Variants in ITPR2 observed in about 807,000 individuals in gnomAD.
ITPR2 encodes the protein inositol 1,4,5-trisphosphate-gated calcium channel ITPR2.
In ITPR2, 207 loss-of-function variants were observed where a neutral mutation model predicts 317.1. The ratio of observed to expected loss-of-function variants is 0.65; its 90% CI spans 0.58 to 0.73. ITPR2 has a LOEUF of 0.73. Among genes scored for constraint, ITPR2 ranks in the 30% least tolerant of loss-of-function variants. ITPR2 has a pLI of 0.00. For synonymous variants in ITPR2, 1,156 were observed against 1,149.1 expected (o/e 1.01, Z -0.12); for missense variants, 2,613 against 3,284.0 (o/e 0.80, Z 4.99).
Position 26,337,290 on chromosome 12 carries a change from G to A in ITPR2, c.*2107C>T, listed in dbSNP as rs1013517533. 6.6e-5 allele frequency: 10 copies of A among 152,132 alleles called. No homozygotes were observed. Among genetic ancestry groups the A allele is most frequent in the African/African-American group, 2.2e-4 (9 of 41,426 alleles). 9.4% of individuals were successfully genotyped at this position (152,132 alleles called of 1,614,324 possible). ...CATCTGAAAGACAGGTTGCTCAGAT[G>A]TATACAAATGAATTTATTCTCTTGA... On this transcript the variant is annotated 3_prime_UTR_variant, in exon 57 of 57. Coordinates refer to ENST00000381340, the MANE Select transcript of ITPR2 (RefSeq NM_002223.4).
chr12:26,396,522 T>C (rs1232619761), intron 54 of ITPR2, among the ~76,000 whole-genome samples: 1 of 152,172 alleles, frequency 6.6e-6, no homozygotes, highest in Non-Finnish European at 1.5e-5. Flanking sequence ...CATTCTGACT[T>C]GGTACTCTGA....
intron 54 of ITPR2, among the ~76,000 whole-genome samples, chr12:26,389,540 G>A (rs1485920595): frequency 6.6e-6 from 1 of 150,854 alleles, no homozygotes; most frequent in Admixed American, 6.6e-5. Context: ...CCTTTGGAAC[G>A]GTTGTTTCCT....
intron 9 of ITPR2, among the ~76,000 whole-genome samples, chr12:26,700,229 G>A (rs1948420388): frequency 6.6e-6 from 1 of 152,134 alleles, no homozygotes; most frequent in Admixed American, 6.6e-5. Flanking sequence ...AATTATTCAT[G>A]GAGAAGGTAG....
chr12:26,411,077 C>T, intron 52 of ITPR2: 3 of 431,942 alleles, frequency 6.9e-6, no homozygotes, highest in Non-Finnish European at 1.3e-5. Flanking sequence ...GCAGCACATA[C>T]CACAGGGTAA....
chr12:26,735,495 GA>G (rs1345921137), intron 2 of ITPR2, among the ~76,000 whole-genome samples: 2 of 152,130 alleles, frequency 1.3e-5, no homozygotes, highest in Admixed American at 6.5e-5. Context: ...AGGAGAGGGA[GA>G]GGGGGAAGGG....
chr12:26,529,406 T>C (rs1565583157), intron 37 of ITPR2, among the ~76,000 whole-genome samples: 1 of 152,202 alleles, frequency 6.6e-6, no homozygotes, highest in East Asian at 1.9e-4. Context: ...ATGCAGATCT[T>C]TGGGTGTGTG....
chr12:26,412,585 G>A (rs1940584248), intron 51 of ITPR2, among the ~76,000 whole-genome samples: 1 of 152,140 alleles, frequency 6.6e-6, no homozygotes, highest in South Asian at 2.1e-4. Context: ...GAGAGATATA[G>A]ACACAATTAT....
intron 5 of ITPR2, among the ~76,000 whole-genome samples, chr12:26,716,692 A>C (rs1452188520): frequency 6.6e-6 from 1 of 152,204 alleles, no homozygotes; most frequent in Non-Finnish European, 1.5e-5. Context: ...AGAGATGAGT[A>C]AATTTGATCT....
intron 37 of ITPR2, among the ~76,000 whole-genome samples, chr12:26,541,664 CAAT>C (rs1031252493): frequency 1.3e-5 from 2 of 152,190 alleles, no homozygotes; most frequent in Non-Finnish European, 1.5e-5. Context: ...CAGATTGATA[CAAT>C]AAGAGGAGCT....
chr12:26,416,404 G>C (rs1940721591), intron 50 of ITPR2, among the ~76,000 whole-genome samples: 1 of 152,168 alleles, frequency 6.6e-6, no homozygotes. Context: ...GTTTGGAAAT[G>C]AATAGTATTT....
At chr12:26,619,444 C>G (rs537185340) in intron 26 of ITPR2, among the ~76,000 whole-genome samples, 1 of 152,248 alleles carries the variant, frequency 6.6e-6, no homozygotes, top group African/African-American at 2.4e-5. Flanking sequence ...TGGGCGACAT[C>G]TTTTACTTAA....
intron 21 of ITPR2, among the ~76,000 whole-genome samples, chr12:26,637,060 T>C (rs1298348522): frequency 2.0e-5 from 3 of 152,222 alleles, no homozygotes; most frequent in African/African-American, 7.2e-5. Context: ...ATAAATTTGC[T>C]CACATTATTC....
At chr12:26,417,475 G>A (rs1215114789) in intron 50 of ITPR2, among the ~76,000 whole-genome samples, 1 of 152,100 alleles carries the variant, frequency 6.6e-6, no homozygotes, top group Non-Finnish European at 1.5e-5. Flanking sequence ...CATGGGGGTG[G>A]TTTCCCTCAT....
At position 26,682,660 on chromosome 12, in the gene ITPR2, G is replaced by T. The variant is rs1250780652; in HGVS notation, c.1162C>A (p.Arg388=). ...GTGTTGGTGCATAAATGCCTTAACC[G>T]AACATATGAGTTCCTAAAAGCAAAA... ...DCLVPRNSYV[R]LRHLCTNTWV... is the part of the protein sequence containing the mutation. The change falls in exon 12 of 57, where the codon CGG becomes AGG. Residue 388 remains arginine, a synonymous_variant. Transcript: ENST00000381340. The T allele has an allele frequency of 1.2e-6, 2 of 1,609,038 alleles. No individual in the cohort carries two copies. The highest frequency in any genetic ancestry group is 1.3e-5 in the African/African-American group (1 of 74,810).
At chr12:26,655,902 TA>T in intron 19 of ITPR2, 50 bp from the exon 20 acceptor site, 1 of 1,534,746 alleles carries the variant, frequency 6.5e-7, no homozygotes, top group South Asian at 1.2e-5. Context: ...TGCAATCATT[TA>T]AAAATAGGAA....
chr12:26,417,176 G>T (rs1016932800), intron 50 of ITPR2, among the ~76,000 whole-genome samples: 3 of 151,918 alleles, frequency 2.0e-5, no homozygotes, highest in South Asian at 4.2e-4. Flanking sequence ...TTGATATCAT[G>T]TATACCACAA....
intron 8 of ITPR2, among the ~76,000 whole-genome samples, chr12:26,713,282 A>G (rs1367293871): frequency 1.3e-5 from 2 of 152,196 alleles, no homozygotes; most frequent in Non-Finnish European, 2.9e-5. Flanking sequence ...CTCTTCCTTG[A>G]AACACCTGAT....
rs1250487152 is a variant in ITPR2 at position 26,483,687 on chromosome 12, C to T, written c.6012+11G>A. 2 of 1,605,362 alleles carry T rather than the reference C, an allele frequency of 1.2e-6. No homozygotes were observed. The highest frequency in any genetic ancestry group is 1.1e-5 in the South Asian group (1 of 90,904). ...TCCCTTTACTAATTAGTCATGGATA[C>T]TTCTGGTTACCTGATTTTCATGGCA... On this transcript the variant is annotated intron_variant, in intron 42 of 56. Coordinates refer to ENST00000381340, the MANE Select transcript of ITPR2 (RefSeq NM_002223.4).
At position 26,578,846 on chromosome 12, in the gene ITPR2, A is replaced by G. The variant is rs1945332531; in HGVS notation, c.4510-13T>C. The G allele has an allele frequency of 1.3e-6, 2 of 1,596,668 alleles. No homozygotes were observed. Among genetic ancestry groups the G allele is most frequent in the East Asian group, 4.5e-5 (2 of 44,622 alleles). On this transcript the variant is annotated splice_polypyrimidine_tract_variant and intron_variant, in intron 33 of 56. Coordinates refer to ENST00000381340, the MANE Select transcript of ITPR2 (RefSeq NM_002223.4). ...CTGGCTGATGTGTCTAAAACCAGAA[A>G]GAAGGTAGGCAAAAAGAGATGCTAA...
Sources: allele counts gnomAD v4.1 joint callset (sites outside exome capture counted in the v4.1 genomes callset), GRCh38; gene constraint gnomAD v4.1.1; transcripts MANE v1.5; gene names NCBI Gene and HGNC (gene_info 2026-07-23, HGNC 2026-07-21).